TPH2: variants seen among roughly 807,000 people sequenced by gnomAD.
TPH2 encodes tryptophan hydroxylase 2, also known as tryptophan 5-hydroxylase 2.
In TPH2, 27 loss-of-function variants were observed where a neutral mutation model predicts 59.1. The observed-to-expected ratio is 0.46, with a 90% CI of 0.34 to 0.63. The LOEUF (loss-of-function observed/expected upper bound fraction) is 0.63. Among genes scored for constraint, TPH2 ranks in the 30% least tolerant of loss-of-function variants. TPH2 has a pLI of 0.01. For synonymous variants in TPH2, 220 were observed against 210.5 expected (o/e 1.05, Z -0.39); for missense variants, 523 against 588.3 (o/e 0.89, Z 1.15).
chr12:72,010,048 T>G (rs1312460354), intron 8 of TPH2, among the ~76,000 whole-genome samples: 1 of 152,212 alleles, frequency 6.6e-6, no homozygotes, highest in Non-Finnish European at 1.5e-5. Flanking sequence ...CAATAAGTAG[T>G]AGTTATTTTA....
At chr12:72,012,532 A>G (rs1482113892) in intron 8 of TPH2, among the ~76,000 whole-genome samples, 1 of 152,204 alleles carries the variant, frequency 6.6e-6, no homozygotes, top group Non-Finnish European at 1.5e-5. Flanking sequence ...AGAGAAAGCG[A>G]TGGCTAGACC....
intron 9 of TPH2, among the ~76,000 whole-genome samples, chr12:72,030,285 GC>G (rs1266728535): frequency 6.6e-6 from 1 of 152,110 alleles, no homozygotes; most frequent in Non-Finnish European, 1.5e-5. Context: ...CAACTTGGAT[GC>G]CTTTAAAATG....
At chr12:71,983,019 A>G (rs1383892789) in intron 7 of TPH2, among the ~76,000 whole-genome samples, 3 of 152,090 alleles carry the variant, frequency 2.0e-5, no homozygotes, top group Admixed American at 1.3e-4. Context: ...CCTTCACACA[A>G]TATATTCCTG....
intron 5 of TPH2, among the ~76,000 whole-genome samples, chr12:71,951,285 C>T (rs1390997241): frequency 6.6e-6 from 1 of 152,140 alleles, no homozygotes; most frequent in Admixed American, 6.5e-5. Context: ...ATTGGCTTCC[C>T]CTGGTCCACA....
At chr12:71,954,108 C>G (rs1260637014) in intron 5 of TPH2, among the ~76,000 whole-genome samples, 1 of 152,026 alleles carries the variant, frequency 6.6e-6, no homozygotes, top group African/African-American at 2.4e-5. Flanking sequence ...TGAAAAAATT[C>G]CACTCTATGA....
chr12:71,971,570 A>G (rs1488924825), intron 5 of TPH2, among the ~76,000 whole-genome samples: 1 of 152,096 alleles, frequency 6.6e-6, no homozygotes, highest in Non-Finnish European at 1.5e-5. Flanking sequence ...GCTGGCTGCT[A>G]TTATATTAGA....
At chr12:71,962,269 T>A in intron 5 of TPH2, 1 of 985,448 alleles carries the variant, frequency 1.0e-6, no homozygotes, top group Non-Finnish European at 1.2e-6. Context: ...TAAAAAAATA[T>A]TATTAAATCA....
chr12:71,970,580 A>G (rs1356061598), intron 5 of TPH2, among the ~76,000 whole-genome samples: 1 of 152,230 alleles, frequency 6.6e-6, no homozygotes, highest in Non-Finnish European at 1.5e-5. Context: ...GATCATGCAC[A>G]GCCCTTATTA....
rs115792067 is a variant in TPH2, at chr12:72,017,634, A to C, written c.1069-4765A>C. ...CCAAGAATCTGCAATTTTCTTTTAC[A>C]GGTGTTCTTACAAGTCTCAGCATAT... On this transcript the variant is annotated intron_variant, in intron 8 of 10. Transcript: ENST00000333850. 9.5e-3 allele frequency among the ~76,000 whole-genome samples: 1,445 copies of C among 152,308 alleles called. 25 individuals carry two copies. The highest frequency in any genetic ancestry group is 0.034 in the African/African-American group (1,397 of 41,574).
chr12:71,947,444 G>A (rs957918331), intron 4 of TPH2, among the ~76,000 whole-genome samples: 3 of 150,830 alleles, frequency 2.0e-5, no homozygotes, highest in African/African-American at 7.3e-5. Context: ...CTGGCTGCTA[G>A]GGTTGCCAGA....
intron 5 of TPH2, among the ~76,000 whole-genome samples, chr12:71,966,567 A>C (rs1359792840): frequency 6.6e-6 from 1 of 152,240 alleles, no homozygotes; most frequent in East Asian, 1.9e-4. Flanking sequence ...TGAATAAGTG[A>C]GGCATCTCCT....
chr12:71,983,339 C>A (rs1171271822), intron 7 of TPH2, among the ~76,000 whole-genome samples: 1 of 152,094 alleles, frequency 6.6e-6, no homozygotes, highest in African/African-American at 2.4e-5. Context: ...GCTGTGGTTG[C>A]AATGTTCTTA....
At chr12:71,968,221 C>A (rs894056322) in intron 5 of TPH2, among the ~76,000 whole-genome samples, 2 of 152,220 alleles carry the variant, frequency 1.3e-5, no homozygotes, top group Non-Finnish European at 2.9e-5. Flanking sequence ...TCCACAGCTG[C>A]AGAAATGTGC....
At chr12:71,951,901 T>C (rs751944155) in intron 5 of TPH2, among the ~76,000 whole-genome samples, 4 of 152,164 alleles carry the variant, frequency 2.6e-5, no homozygotes, top group Non-Finnish European at 5.9e-5. Context: ...GGTGCATGCC[T>C]GTAATCCCAG....
At chr12:71,964,625 A>C (rs1334822245) in intron 5 of TPH2, 2 of 985,232 alleles carry the variant, frequency 2.0e-6, no homozygotes, top group Non-Finnish European at 2.4e-6. Flanking sequence ...AGGTGGTACC[A>C]ACTAATATAG....
At chr12:71,956,074 A>T (rs1871486736) in intron 5 of TPH2, among the ~76,000 whole-genome samples, 1 of 152,176 alleles carries the variant, frequency 6.6e-6, no homozygotes, top group East Asian at 1.9e-4. Flanking sequence ...TGCTTCCAAT[A>T]TGGTTACTCA....
intron 8 of TPH2, among the ~76,000 whole-genome samples, chr12:72,013,052 C>T (rs1157711520): frequency 6.6e-6 from 1 of 152,152 alleles, no homozygotes; most frequent in East Asian, 1.9e-4. Context: ...TGCTGAAAAT[C>T]GCCTATGTCG....
intron 4 of TPH2, among the ~76,000 whole-genome samples, chr12:71,949,059 A>G (rs1340909052): frequency 6.6e-6 from 1 of 152,206 alleles, no homozygotes; most frequent in African/African-American, 2.4e-5. Flanking sequence ...TCGATTTTGC[A>G]TTATGTGGCT....
At position 71,964,088 on chromosome 12, in the gene TPH2, C is replaced by T. The variant is rs899747507; in HGVS notation, c.609-8431C>T. On this transcript the variant is annotated intron_variant, in intron 5 of 10. Coordinates refer to ENST00000333850, the MANE Select transcript of TPH2 (RefSeq NM_173353.4). ...AGTACCCAAACAGCCACATATATCT[C>T]AGTTTCATTCAAAACCTGAGAAAGC... 4.6e-4 allele frequency among the ~76,000 whole-genome samples: 23 copies of T among 50,106 alleles called. 9 individuals are homozygous for T. The highest frequency in any genetic ancestry group is 1.3e-3 in the African/African-American group (23 of 17,818). The allele number at this position is 50,106 out of a possible 152,430, so 32.9% of individuals were successfully genotyped here.
Sources: allele counts gnomAD v4.1 joint callset (sites outside exome capture counted in the v4.1 genomes callset), GRCh38; gene constraint gnomAD v4.1.1; transcripts MANE v1.5; gene names NCBI Gene and HGNC (gene_info 2026-07-23, HGNC 2026-07-21).